NAALADL2: variants seen among roughly 807,000 people sequenced by gnomAD.
NAALADL2 encodes the protein inactive N-acetylated-alpha-linked acidic dipeptidase-like protein 2.
In NAALADL2, 76 loss-of-function variants were observed where a neutral mutation model predicts 87.2. The ratio of observed to expected loss-of-function variants is 0.87; its 90% CI spans 0.72 to 1.05. NAALADL2 has a LOEUF of 1.05. Among genes scored for constraint, NAALADL2 ranks in the 50% least tolerant of loss-of-function variants. The probability of loss-of-function intolerance (pLI) is 0.00; values close to 1 mark genes in which losing one functional copy is unlikely to be tolerated. For missense variants in NAALADL2, 1,089 were observed against 945.8 expected (o/e 1.15, Z -1.99); for synonymous variants, 354 against 331.0 (o/e 1.07, Z -0.75).
Position 174,817,353 on chromosome 3 carries a change from G to A in NAALADL2, c.-9+79607G>A, listed in dbSNP as rs999160785. Among the ~76,000 whole-genome samples the A allele has an allele frequency of 7.9e-5, 12 of 152,164 alleles. No homozygotes were observed. In the South Asian group the frequency reaches 8.3e-4, roughly 10 times the overall value. On this transcript the variant is annotated intron_variant, in intron 3 of 3. Transcript: ENST00000434257. ...ACAGTGGCTCATGCCAGTAATCAAA[G>A]CACTTTGGGAGACTCACGTGGGAGG...
intron 13 of NAALADL2, among the ~76,000 whole-genome samples, chr3:175,782,639 C>T (rs1317047553): frequency 7.3e-6 from 1 of 137,694 alleles, no homozygotes; most frequent in East Asian, 2.2e-4. Flanking sequence ...CGAAAATTTT[C>T]TCCCATTTTG....
chr3:175,545,905 G>T (rs1241739826), intron 9 of NAALADL2, among the ~76,000 whole-genome samples: 1 of 152,018 alleles, frequency 6.6e-6, no homozygotes, highest in Non-Finnish European at 1.5e-5. Flanking sequence ...TATTTGCTAT[G>T]TGCCTACTTT....
chr3:175,456,193 A>G (rs1246930237), intron 6 of NAALADL2, among the ~76,000 whole-genome samples: 2 of 152,072 alleles, frequency 1.3e-5, no homozygotes, highest in Non-Finnish European at 2.9e-5. Context: ...ACAAAAATGC[A>G]AGACAGAATT....
intron 2 of NAALADL2, among the ~76,000 whole-genome samples, chr3:174,735,432 A>T (rs1392715315): frequency 6.6e-6 from 1 of 152,248 alleles, no homozygotes; most frequent in Non-Finnish European, 1.5e-5. Flanking sequence ...CCATACAGGT[A>T]TGAAGAGAGA....
At chr3:174,813,583 GA>G (rs1308262007) in intron 3 of NAALADL2, among the ~76,000 whole-genome samples, 8 of 152,196 alleles carry the variant, frequency 5.3e-5, no homozygotes, top group Admixed American at 2.0e-4. Flanking sequence ...GCATAAAGAT[GA>G]AAGTACCTAA....
At chr3:174,646,751 T>C (rs1312521302) in intron 2 of NAALADL2, among the ~76,000 whole-genome samples, 1 of 152,156 alleles carries the variant, frequency 6.6e-6, no homozygotes, top group Non-Finnish European at 1.5e-5. Flanking sequence ...CAAATATTTA[T>C]TTTATAGATG....
chr3:174,463,393 CT>C (rs1716327591), intron 1 of NAALADL2, among the ~76,000 whole-genome samples: 1 of 152,060 alleles, frequency 6.6e-6, no homozygotes, highest in African/African-American at 2.4e-5. Flanking sequence ...TATAGTCAAG[CT>C]TCACAAGAAG....
At chr3:175,046,245 C>A (rs907839069) in intron 1 of NAALADL2, among the ~76,000 whole-genome samples, 1 of 152,098 alleles carries the variant, frequency 6.6e-6, no homozygotes, top group African/African-American at 2.4e-5. Context: ...AATGCAGATT[C>A]GGAATTAGTG....
intron 4 of NAALADL2, among the ~76,000 whole-genome samples, chr3:175,317,766 A>G (rs1399519541): frequency 6.6e-6 from 1 of 152,212 alleles, no homozygotes; most frequent in East Asian, 1.9e-4. Flanking sequence ...TTGACAAATT[A>G]TTTTTGGGTA....
At chr3:174,662,517 G>A (rs1169516024) in intron 2 of NAALADL2, among the ~76,000 whole-genome samples, 6 of 132,360 alleles carry the variant, frequency 4.5e-5, no homozygotes, top group African/African-American at 8.8e-5. Flanking sequence ...TTCTGAAGTC[G>A]TTGAGATGCA....
rs967474148 is a variant in NAALADL2, at chr3:175,361,490, A to G, written c.1090+37165A>G. On this transcript the variant is annotated intron_variant, in intron 5 of 13. Transcript: ENST00000454872. Reference sequence around the variant, plus strand: ...TAGTTTACAGTCCCACCAACAGTGTAAAAGTGTTCCTATTTCTCCACATCC... The same window carrying G: ...TAGTTTACAGTCCCACCAACAGTGTGAAAGTGTTCCTATTTCTCCACATCC... 4.0e-5 allele frequency among the ~76,000 whole-genome samples: 6 copies of G among 148,198 alleles called. 1 individual carries two copies. The highest frequency in any genetic ancestry group is 9.0e-5 in the Non-Finnish European group (6 of 66,588).
At chr3:175,658,284 A>G (rs1449006381) in intron 11 of NAALADL2, among the ~76,000 whole-genome samples, 1 of 152,198 alleles carries the variant, frequency 6.6e-6, no homozygotes, top group Non-Finnish European at 1.5e-5. Flanking sequence ...CCCAAATGAC[A>G]GGGCCGACAA....
intron 1 of NAALADL2, among the ~76,000 whole-genome samples, chr3:174,960,695 A>G (rs1024339388): frequency 2.0e-5 from 3 of 152,082 alleles, no homozygotes; most frequent in Non-Finnish European, 2.9e-5. Flanking sequence ...GAAATAAAAC[A>G]CTATTTTATT....
At chr3:174,951,748 A>G (rs1443239727) in intron 1 of NAALADL2, among the ~76,000 whole-genome samples, 1 of 152,098 alleles carries the variant, frequency 6.6e-6, no homozygotes, top group Non-Finnish European at 1.5e-5. Flanking sequence ...AAATACTTCA[A>G]AATATTTTAC....
chr3:174,873,507 C>G (rs569752994), intron 1 of NAALADL2, among the ~76,000 whole-genome samples: 174 of 152,162 alleles, frequency 1.1e-3, no homozygotes, highest in African/African-American at 4.0e-3. Flanking sequence ...CCCACCTTGG[C>G]CTCCCAAAGT....
intron 3 of NAALADL2, among the ~76,000 whole-genome samples, chr3:174,853,211 A>G (rs1247519105): frequency 6.8e-6 from 1 of 146,762 alleles, no homozygotes; most frequent in Non-Finnish European, 1.5e-5. Flanking sequence ...CAAAAAAAAA[A>G]AAAAAAAAAA....
chr3:175,189,898 A>C (rs1342344534), intron 2 of NAALADL2, among the ~76,000 whole-genome samples: 1 of 152,200 alleles, frequency 6.6e-6, no homozygotes, highest in East Asian at 1.9e-4. Context: ...AGTGAAACAA[A>C]ATAGACAGTC....
intron 3 of NAALADL2, among the ~76,000 whole-genome samples, chr3:174,783,853 T>G (rs1288422370): frequency 1.3e-5 from 2 of 152,110 alleles, no homozygotes; most frequent in African/African-American, 2.4e-5. Flanking sequence ...TTCCAGGGCA[T>G]CATTTTTTTC....
rs138591087 is a variant in NAALADL2 at position 175,423,770 on chromosome 3, G to A, written c.1091-23459G>A. Among the ~76,000 whole-genome samples the A allele has an allele frequency of 2.0e-5, 3 of 152,102 alleles. No homozygotes were observed. The East Asian group carries it at 5.8e-4, about 29-fold the overall frequency. On this transcript the variant is annotated intron_variant, in intron 5 of 13. Transcript: ENST00000454872. ...CAGCAGCATGATTTATAATCCTTTGGGTATACACCCAGTAATGGGATTGGT... is the reference window on the plus strand; with the variant it reads ...CAGCAGCATGATTTATAATCCTTTGAGTATACACCCAGTAATGGGATTGGT...
Sources: allele counts gnomAD v4.1 joint callset (sites outside exome capture counted in the v4.1 genomes callset), GRCh38; gene constraint gnomAD v4.1.1; transcripts MANE v1.5; gene names NCBI Gene and HGNC (gene_info 2026-07-23, HGNC 2026-07-21).